The following IL1RAPL2 variants were observed in gnomAD, a reference collection of about 807,000 sequenced individuals.
IL1RAPL2 encodes interleukin 1 receptor accessory protein like 2.
In IL1RAPL2, 3 loss-of-function variants were observed where a neutral mutation model predicts 44.1. The observed-to-expected ratio is 0.07, with a 90% confidence interval of 0.03 to 0.18. IL1RAPL2 has a LOEUF of 0.18. IL1RAPL2 is among the 10% of genes least tolerant of loss of function. The probability of loss-of-function intolerance (pLI) is 1.00; values close to 1 mark genes in which losing one functional copy is unlikely to be tolerated. For missense variants in IL1RAPL2, 391 were observed against 496.4 expected (o/e 0.79, Z 2.02); for synonymous variants, 181 against 178.8 (o/e 1.01, Z -0.10).
At chrX:105,248,596 G>A (rs758773899) in intron 4 of IL1RAPL2, among the ~76,000 whole-genome samples, 1 of 110,824 alleles carries the variant, frequency 9.0e-6, no homozygotes, top group Non-Finnish European at 1.9e-5. Context: ...ACCATCAATC[G>A]GACAAGGGAT....
At chrX:105,044,887 A>G (rs1203242722) in intron 2 of IL1RAPL2, among the ~76,000 whole-genome samples, 1 of 111,254 alleles carries the variant, frequency 9.0e-6, no homozygotes, top group South Asian at 3.8e-4. Flanking sequence ...GGGAAAGTCT[A>G]CATAGTCAAC....
At chrX:105,760,659 C>G (rs1284276961) in intron 10 of IL1RAPL2, among the ~76,000 whole-genome samples, 1 of 112,070 alleles carries the variant, frequency 8.9e-6, no homozygotes, top group African/African-American at 3.2e-5. Context: ...CCTCCAAACT[C>G]AGAACTGTAA....
At chrX:104,912,821 C>T (rs1420505391) in intron 2 of IL1RAPL2, among the ~76,000 whole-genome samples, 2 of 111,887 alleles carry the variant, frequency 1.8e-5, no homozygotes, top group African/African-American at 6.5e-5. Context: ...GGTGTGTGTG[C>T]ATACATGCCT....
At chrX:104,759,653 G>A (rs1456344970) in intron 2 of IL1RAPL2, among the ~76,000 whole-genome samples, 1 of 110,904 alleles carries the variant, frequency 9.0e-6, no homozygotes, top group South Asian at 3.9e-4. Context: ...AAAAAAGGTA[G>A]AATTTCTCAT....
rs1928516454 is a variant in IL1RAPL2, at chrX:104,585,322, A to ATATATATTATATAT, written c.-20+18277_-20+18278insTTATATATTATATA. ...TATTATATATTATATAATATATATT[A>ATATATATTATATAT]TATATAATATATATTATATATTATA... On this transcript the variant is annotated intron_variant, in intron 1 of 10. Transcript: ENST00000372582. Among the ~76,000 whole-genome samples the ATATATATTATATAT allele has an allele frequency of 1.9e-4, 4 of 21,005 alleles. No individual in the cohort carries two copies. In the South Asian group the frequency reaches 5.1e-3, roughly 27 times the overall value. 18.2% of individuals were successfully genotyped at this position (21,005 alleles called of 115,157 possible).
intron 2 of IL1RAPL2, among the ~76,000 whole-genome samples, chrX:104,807,635 G>T (rs774575546): frequency 1.2e-4 from 13 of 111,184 alleles, no homozygotes; most frequent in South Asian, 7.6e-4. Flanking sequence ...AGACGATCAC[G>T]GTTAACTCTT....
intron 2 of IL1RAPL2, among the ~76,000 whole-genome samples, chrX:105,085,262 A>G (rs757456714): frequency 1.8e-4 from 20 of 112,464 alleles, no homozygotes; most frequent in Non-Finnish European, 3.6e-4. Context: ...GAAAATATTT[A>G]TAAGCCATAC....
intron 1 of IL1RAPL2, among the ~76,000 whole-genome samples, chrX:104,568,770 G>A (rs758451392): frequency 9.0e-6 from 1 of 111,624 alleles, no homozygotes; most frequent in South Asian, 3.8e-4. Flanking sequence ...GTATTCCTGA[G>A]CCGAGGCTTC....
At chrX:104,594,232 A>C (rs1259797894) in intron 1 of IL1RAPL2, among the ~76,000 whole-genome samples, 1 of 112,274 alleles carries the variant, frequency 8.9e-6, no homozygotes, top group Non-Finnish European at 1.9e-5. Context: ...ACAAGCAATA[A>C]TTTTGGTTTG....
intron 6 of IL1RAPL2, among the ~76,000 whole-genome samples, chrX:105,709,521 A>G (rs958953454): frequency 1.2e-4 from 14 of 112,045 alleles, no homozygotes; most frequent in African/African-American, 3.9e-4. Context: ...AGAACATCAG[A>G]CCTGAAAGAG....
At chrX:105,362,778 G>A (rs2035257267) in intron 5 of IL1RAPL2, among the ~76,000 whole-genome samples, 1 of 111,365 alleles carries the variant, frequency 9.0e-6, no homozygotes, top group Non-Finnish European at 1.9e-5. Context: ...TATATTTGTA[G>A]GGAATAATGT....
intron 1 of IL1RAPL2, among the ~76,000 whole-genome samples, chrX:104,582,868 C>CTTTCTTTCTTTA (rs764062390): frequency 6.5e-5 from 4 of 61,709 alleles, no homozygotes; most frequent in Non-Finnish European, 1.2e-4. Context: ...TTCTTTCTTT[C>CTTTCTTTCTTTA]TTTTTCTTTT....
intron 2 of IL1RAPL2, among the ~76,000 whole-genome samples, chrX:104,942,165 A>G (rs755544717): frequency 8.9e-6 from 1 of 112,014 alleles, no homozygotes; most frequent in African/African-American, 3.2e-5. Context: ...TTGGCTTAGG[A>G]TCATCTTGGA....
chrX:104,943,495 T>C (rs773739498), intron 2 of IL1RAPL2, among the ~76,000 whole-genome samples: 7 of 112,125 alleles, frequency 6.2e-5, no homozygotes, highest in Non-Finnish European at 1.1e-4. Context: ...GTTTCTCCAG[T>C]TGAAATCTTT....
rs1391012050 is a variant in IL1RAPL2, at chrX:104,915,940, T to G, written c.82+256945T>G. 8.0e-5 allele frequency among the ~76,000 whole-genome samples: 9 copies of G among 112,093 alleles called. No individual in the cohort carries two copies. In the East Asian group the frequency reaches 1.1e-3, roughly 14 times the overall value. ...TCCATTGATCTATATCTCTGTTTTC[T>G]TACCAGTACCATGCTCTTTTGGTTA... On this transcript the variant is annotated intron_variant, in intron 2 of 10. Coordinates refer to ENST00000372582, the MANE Select transcript of IL1RAPL2 (RefSeq NM_017416.2).
intron 2 of IL1RAPL2, among the ~76,000 whole-genome samples, chrX:104,861,448 A>C (rs1200002719): frequency 9.0e-6 from 1 of 111,380 alleles, no homozygotes; most frequent in African/African-American, 3.3e-5. Context: ...TCCTCAACTT[A>C]TGAGGGTTCA....
intron 1 of IL1RAPL2, among the ~76,000 whole-genome samples, chrX:104,604,633 C>CA (rs36050333): frequency 0.098 from 3,052 of 31,026 alleles, 344 homozygotes; most frequent in African/African-American, 0.2. Context: ...AAATGCATAG[C>CA]AAAAAAAAAA....
intron 8 of IL1RAPL2, among the ~76,000 whole-genome samples, chrX:105,747,531 T>TAC (rs2038558161): frequency 1.2e-5 from 1 of 85,838 alleles, no homozygotes; most frequent in African/African-American, 3.9e-5. Context: ...TATATATATA[T>TAC]ATATACACAC....
rs182875923 is a variant in IL1RAPL2 at position 104,894,784 on chromosome X, C to G, written c.82+235789C>G. Among the ~76,000 whole-genome samples the G allele has an allele frequency of 8.0e-3, 902 of 112,524 alleles. 32 individuals are homozygous for G. The highest frequency in any genetic ancestry group is 0.078 in the Admixed American group (826 of 10,645). On this transcript the variant is annotated intron_variant, in intron 2 of 10. Coordinates refer to ENST00000372582, the MANE Select transcript of IL1RAPL2 (RefSeq NM_017416.2). Reference sequence around the variant, plus strand: ...ATCATCTGAAGCCTTCTTGTCTCAACTCATCAAAGTCATTCTCCATCCAGC... The same window carrying G: ...ATCATCTGAAGCCTTCTTGTCTCAAGTCATCAAAGTCATTCTCCATCCAGC...
Sources: allele counts gnomAD v4.1 joint callset (sites outside exome capture counted in the v4.1 genomes callset), GRCh38; gene constraint gnomAD v4.1.1; transcripts MANE v1.5; gene names NCBI Gene and HGNC (gene_info 2026-07-23, HGNC 2026-07-21).